Variants in CAMTA1 observed in about 807,000 individuals in gnomAD.
CAMTA1 encodes calmodulin binding transcription activator 1.
In CAMTA1, 27 loss-of-function variants were observed where a neutral mutation model predicts 170.9. The observed-to-expected ratio is 0.16, with a 90% CI of 0.12 to 0.22. The LOEUF is 0.22. Among genes scored for constraint, CAMTA1 ranks in the 10% least tolerant of loss-of-function variants. The pLI is 1.00. For synonymous variants in CAMTA1, 833 were observed against 891.5 expected (o/e 0.93, Z 1.17); for missense variants, 1,619 against 2,217.2 (o/e 0.73, Z 5.42).
intron 5 of CAMTA1, among the ~76,000 whole-genome samples, chr1:7,276,303 A>ATATATTTTTTTTTTTTTTTTTTTTTTTTT: frequency 4.1e-5 from 1 of 24,228 alleles, no homozygotes; most frequent in Non-Finnish European, 6.1e-5. Flanking sequence ...ATATATATAT[A>ATATATTTTTTTTTTTTTTTTTTTTTTTTT]TTTTTTTTTT....
chr1:7,310,533 C>A (rs1317654852), intron 5 of CAMTA1, among the ~76,000 whole-genome samples: 1 of 152,166 alleles, frequency 6.6e-6, no homozygotes, highest in Non-Finnish European at 1.5e-5. Flanking sequence ...TTGCTGACCT[C>A]TGCCTGGAAA....
At chr1:7,086,701 A>G (rs1349924271) in intron 3 of CAMTA1, among the ~76,000 whole-genome samples, 1 of 152,226 alleles carries the variant, frequency 6.6e-6, no homozygotes, top group Non-Finnish European at 1.5e-5. Flanking sequence ...TCCACTCAGC[A>G]TCATGTTTTC....
chr1:7,615,195 C>G (rs1016412530), intron 6 of CAMTA1, among the ~76,000 whole-genome samples: 1 of 152,216 alleles, frequency 6.6e-6, no homozygotes, highest in Non-Finnish European at 1.5e-5. Context: ...AGAGGGGCAG[C>G]CTTAGGACCT....
At chr1:7,449,443 T>A (rs1191141607) in intron 5 of CAMTA1, among the ~76,000 whole-genome samples, 1 of 152,092 alleles carries the variant, frequency 6.6e-6, no homozygotes, top group Non-Finnish European at 1.5e-5. Flanking sequence ...TCTGACCTCG[T>A]CTTTTCCAAG....
At chr1:7,362,692 G>A (rs2085638736) in intron 5 of CAMTA1, among the ~76,000 whole-genome samples, 1 of 151,806 alleles carries the variant, frequency 6.6e-6, no homozygotes, top group Non-Finnish European at 1.5e-5. Context: ...AATAGAGTTG[G>A]TGGACTTGGG....
At chr1:7,452,051 G>C (rs929232058) in intron 5 of CAMTA1, among the ~76,000 whole-genome samples, 1 of 152,220 alleles carries the variant, frequency 6.6e-6, no homozygotes, top group Non-Finnish European at 1.5e-5. Context: ...AGGCTACACA[G>C]AACACCAGGC....
intron 4 of CAMTA1, among the ~76,000 whole-genome samples, chr1:7,101,430 G>GTTCTGGGCTGGAGATTC (rs1642694328): frequency 6.6e-6 from 1 of 152,222 alleles, no homozygotes. Flanking sequence ...TCATCTGGGG[G>GTTCTGGGCTGGAGATTC]TTCTGGGCTG....
intron 11 of CAMTA1, among the ~76,000 whole-genome samples, chr1:7,710,020 G>C (rs912736070): frequency 6.6e-6 from 1 of 152,150 alleles, no homozygotes; most frequent in South Asian, 2.1e-4. Context: ...CTATTCTGCT[G>C]TGATTCTTTT....
rs186377409 is a variant in CAMTA1 at position 7,035,348 on chromosome 1, C to A, written c.235-55956C>A. Among the ~76,000 whole-genome samples the A allele has an allele frequency of 2.0e-5, 3 of 151,818 alleles. No homozygotes were observed. In the East Asian group the frequency reaches 5.8e-4, roughly 29 times the overall value. On this transcript the variant is annotated intron_variant, in intron 3 of 22. Coordinates refer to ENST00000303635, the MANE Select transcript of CAMTA1 (RefSeq NM_015215.4). ...CTGGAAGGCAGAGGTTGCAGTGAGC[C>A]GAGATTGCGCCATTGCACTCCAGCC...
chr1:7,657,234 C>G (rs866941034), intron 7 of CAMTA1, among the ~76,000 whole-genome samples: 6 of 152,180 alleles, frequency 3.9e-5, no homozygotes, highest in African/African-American at 1.2e-4. Flanking sequence ...CTGACCCAGC[C>G]TTCCTAGGGA....
At position 7,736,322 on chromosome 1, in the gene CAMTA1, A is replaced by G; in HGVS notation, c.3067-22A>G. The G allele has an allele frequency of 6.2e-7, 1 of 1,610,152 alleles. No homozygotes were observed. The highest frequency in any genetic ancestry group is 8.5e-7 in the Non-Finnish European group (1 of 1,177,870). ...CGAGGGCCTTTAGTCCTGAGGTCGTAACGTGCGCTTTTTTGTGACAGTGTG... is the reference window on the plus strand; with the variant it reads ...CGAGGGCCTTTAGTCCTGAGGTCGTGACGTGCGCTTTTTTGTGACAGTGTG... On this transcript the variant is annotated intron_variant, in intron 12 of 22. Coordinates refer to ENST00000303635, the MANE Select transcript of CAMTA1 (RefSeq NM_015215.4). The surrounding 1 kb of genome is among the most constrained non-coding windows in gnomAD (Gnocchi z 4.5).
chr1:7,174,133 A>G (rs1042718038), intron 4 of CAMTA1, among the ~76,000 whole-genome samples: 1 of 152,192 alleles, frequency 6.6e-6, no homozygotes, highest in African/African-American at 2.4e-5. Context: ...AGTGCAAAGC[A>G]AGCTCTCTGG....
At chr1:7,197,628 C>CCACACACACACACA (rs3222484) in intron 4 of CAMTA1, among the ~76,000 whole-genome samples, 37 of 109,872 alleles carry the variant, frequency 3.4e-4, no homozygotes, top group Middle Eastern at 5.2e-3. Flanking sequence ...TTGTCCCCCA[C>CCACACACACACACA]CACACACACA....
chr1:7,257,524 G>T (rs1276547161), intron 5 of CAMTA1, among the ~76,000 whole-genome samples: 1 of 152,244 alleles, frequency 6.6e-6, no homozygotes, highest in Non-Finnish European at 1.5e-5. Context: ...ATTTCCATTT[G>T]TCCTGAAGCC....
intron 4 of CAMTA1, among the ~76,000 whole-genome samples, chr1:7,227,329 GT>G (rs1208681434): frequency 1.3e-5 from 2 of 152,152 alleles, no homozygotes; most frequent in East Asian, 3.9e-4. Context: ...TTGTTTTATT[GT>G]TTTTCGTTTT....
At chr1:7,761,261 T>C (rs2096973363) in intron 22 of CAMTA1, among the ~76,000 whole-genome samples, 1 of 152,234 alleles carries the variant, frequency 6.6e-6, no homozygotes, top group South Asian at 2.1e-4. Flanking sequence ...AGTTCTACTT[T>C]GCAAGTTACT....
In CAMTA1 at chr1:7,704,114, C is replaced by A. The variant is rs557471010; in HGVS notation, c.2914+26381C>A. On this transcript the variant is annotated intron_variant, in intron 11 of 22. Coordinates refer to ENST00000303635, the MANE Select transcript of CAMTA1 (RefSeq NM_015215.4). ...CTCCAGCCTGGCCCCCACGCCTCCC[C>A]GCTCGTTGCGCAGCGCCGGCTCCTC... Among the ~76,000 whole-genome samples, 5 of 151,682 alleles carry A rather than the reference C, an allele frequency of 3.3e-5. No homozygotes were observed. The South Asian group carries it at 8.3e-4, about 25-fold the overall frequency.
chr1:7,213,878 G>A (rs1165858687), intron 4 of CAMTA1, among the ~76,000 whole-genome samples: 3 of 151,930 alleles, frequency 2.0e-5, no homozygotes, highest in Admixed American at 1.3e-4. Context: ...TTGTCCTTGC[G>A]ATAGTTTGCT....
intron 4 of CAMTA1, among the ~76,000 whole-genome samples, chr1:7,123,097 C>T (rs996197561): frequency 1.3e-5 from 2 of 152,154 alleles, no homozygotes; most frequent in East Asian, 3.9e-4. Flanking sequence ...TTGGGCACCA[C>T]GTGAGTTTCC....
Sources: allele counts gnomAD v4.1 joint callset (sites outside exome capture counted in the v4.1 genomes callset), GRCh38; gene constraint gnomAD v4.1.1; non-coding constraint Gnocchi (gnomAD v3.1); transcripts MANE v1.5; gene names NCBI Gene and HGNC (gene_info 2026-07-23, HGNC 2026-07-21).